BCL2L13: variants seen among roughly 807,000 people sequenced by gnomAD.
BCL2L13 encodes BCL2 like 13.
In BCL2L13, 13 loss-of-function variants were observed where a neutral mutation model predicts 25.8. The ratio of observed to expected loss-of-function variants is 0.50; its 90% CI spans 0.33 to 0.80. The LOEUF (loss-of-function observed/expected upper bound fraction) is 0.80, where lower values mean the gene tolerates loss of function less well. Ranked by LOEUF, BCL2L13 falls within the 30% of genes least tolerant of loss-of-function variation. The pLI, the probability that BCL2L13 is intolerant of heterozygous loss-of-function variation, is 0.02. For missense variants in BCL2L13, 504 were observed against 574.9 expected, an observed-to-expected ratio of 0.88 and a Z score of 1.26; for synonymous variants, 244 against 230.3, an observed-to-expected ratio of 1.06 and a Z score of -0.54.
chr22:17,712,670 T>G (rs568797718), intron 6 of BCL2L13, among the ~76,000 whole-genome samples: 1 of 152,322 alleles, frequency 6.6e-6, no homozygotes, highest in Admixed American at 6.5e-5. Context: ...TCGGATTATG[T>G]TCTGGCAAAA....
intron 2 of BCL2L13, among the ~76,000 whole-genome samples, chr22:17,676,190 G>A (rs551117665): frequency 2.1e-3 from 320 of 152,252 alleles, no homozygotes; most frequent in African/African-American, 7.2e-3. Context: ...GAGGAGAGAC[G>A]GTGGCTCACG....
intron 6 of BCL2L13, among the ~76,000 whole-genome samples, chr22:17,723,720 G>A (rs1215257235): frequency 6.6e-6 from 1 of 152,078 alleles, no homozygotes; most frequent in Non-Finnish European, 1.5e-5. Flanking sequence ...GGATCACGAG[G>A]TCAAGAGATT....
In BCL2L13 at chr22:17,706,718, G is replaced by C. The variant is rs993940750; in HGVS notation, c.600+4332G>C. ...TGGTTCATGTGCTGTGATTCTCCCTGAGTCATCCTTGCTCCCTCCCTCCTC... is the reference window on the plus strand; with the variant it reads ...TGGTTCATGTGCTGTGATTCTCCCTCAGTCATCCTTGCTCCCTCCCTCCTC... On this transcript the variant is annotated intron_variant, in intron 6 of 6. Transcript: ENST00000317582. The C allele has an allele frequency of 6.7e-6, 9 of 1,351,614 alleles. No individual in the cohort carries two copies. In the African/African-American group the frequency reaches 1.2e-4, roughly 18 times the overall value. 83.7% of individuals were successfully genotyped at this position (1,351,614 alleles called of 1,614,324 possible).
At chr22:17,719,675 A>T (rs767618671) in intron 6 of BCL2L13, among the ~76,000 whole-genome samples, 2 of 151,900 alleles carry the variant, frequency 1.3e-5, no homozygotes, top group Non-Finnish European at 2.9e-5. Context: ...CTAAAAATAC[A>T]AAAATTAGCT....
chr22:17,670,867 A>G (rs1457189996), intron 2 of BCL2L13, among the ~76,000 whole-genome samples: 2 of 152,124 alleles, frequency 1.3e-5, no homozygotes, highest in Non-Finnish European at 1.5e-5. Flanking sequence ...TCTGTCCTCC[A>G]TCAGTCTGTC....
Position 17,683,581 on chromosome 22 carries a change from T to C in BCL2L13, c.229+260T>C, listed in dbSNP as rs1171345045. On this transcript the variant is annotated intron_variant, in intron 3 of 6. Transcript: ENST00000317582. ...ATGTTAAGTATCGGATAAATGATCA[T>C]GTTAAGGTTCTTTCCATTCACTATG... Among the ~76,000 whole-genome samples, 7 of 152,190 alleles carry C rather than the reference T, an allele frequency of 4.6e-5. 1 individual carries two copies. Among genetic ancestry groups the C allele is most frequent in the Admixed American group, 1.3e-4 (2 of 15,268 alleles).
chr22:17,714,254 C>T (rs1339793831), intron 6 of BCL2L13, among the ~76,000 whole-genome samples: 1 of 151,828 alleles, frequency 6.6e-6, no homozygotes, highest in Admixed American at 6.6e-5. Flanking sequence ...GATTGCGCCA[C>T]TGCACTCCAG....
chr22:17,693,333 GTTTA>G (rs372912650), intron 4 of BCL2L13, among the ~76,000 whole-genome samples: 7,856 of 131,174 alleles, frequency 0.06, 748 homozygotes, highest in African/African-American at 0.19. Flanking sequence ...CTTTGGGGTA[GTTTA>G]TTTATTTATT....
At chr22:17,634,853 C>A (rs1260508419), upstream of BCL2L13, among the ~76,000 whole-genome samples, 1 of 151,702 alleles carries the variant, frequency 6.6e-6, no homozygotes, top group Non-Finnish European at 1.5e-5. Context: ...GAGGATGAGG[C>A]CAGAGGATTG....
chr22:17,715,179 T>A (rs1407235213), intron 6 of BCL2L13, among the ~76,000 whole-genome samples: 4 of 63,252 alleles, frequency 6.3e-5, no homozygotes, highest in African/African-American at 3.0e-4. Context: ...TATTTTTTTT[T>A]TTTTTTTTTT....
At chr22:17,671,964 T>C (rs1183284927) in intron 2 of BCL2L13, among the ~76,000 whole-genome samples, 2 of 152,258 alleles carry the variant, frequency 1.3e-5, no homozygotes, top group Non-Finnish European at 2.9e-5. Context: ...TCCGCTCGCC[T>C]TGGCCTCCCA....
chr22:17,650,115 C>T (rs900839483), intron 1 of BCL2L13, among the ~76,000 whole-genome samples: 1 of 151,940 alleles, frequency 6.6e-6, no homozygotes, highest in East Asian at 1.9e-4. Context: ...GGTGATCTGC[C>T]CGTCTCAGCC....
chr22:17,629,818 TACACAC>T (rs3044578), intron 1 of BCL2L13, among the ~76,000 whole-genome samples: 14,933 of 148,134 alleles, frequency 0.1, 947 homozygotes, highest in Middle Eastern at 0.2. Context: ...TTTATTTTCA[TACACAC>T]ACACACACAC....
chr22:17,658,761 T>A (rs2058968604), intron 2 of BCL2L13, among the ~76,000 whole-genome samples: 1 of 148,720 alleles, frequency 6.7e-6, no homozygotes, highest in African/African-American at 2.5e-5. Context: ...AATGCTTGTA[T>A]AAAAAACATT....
intron 1 of BCL2L13, among the ~76,000 whole-genome samples, chr22:17,645,688 G>T (rs2058449217): frequency 6.6e-6 from 1 of 151,490 alleles, no homozygotes; most frequent in Non-Finnish European, 1.5e-5. Flanking sequence ...TAGAATTGTG[G>T]ATATACATTT....
At position 17,672,731 on chromosome 22, in the gene BCL2L13, A is replaced by G. The variant is rs2059453347; in HGVS notation, c.122-10483A>G. On this transcript the variant is annotated intron_variant, in intron 2 of 6. Transcript: ENST00000317582. ...GAAGTATGACAACTTGTCATGTGTAATCAGCATCACATTAGTCTCAAGAGA... is the reference window on the plus strand; with the variant it reads ...GAAGTATGACAACTTGTCATGTGTAGTCAGCATCACATTAGTCTCAAGAGA... Among the ~76,000 whole-genome samples the G allele has an allele frequency of 2.0e-5, 3 of 152,202 alleles. No individual in the cohort carries two copies. The South Asian group carries it at 6.2e-4, about 31-fold the overall frequency.
chr22:17,704,867 A>G (rs1447606919), intron 6 of BCL2L13, among the ~76,000 whole-genome samples: 3 of 152,064 alleles, frequency 2.0e-5, no homozygotes, highest in Admixed American at 2.0e-4. Context: ...TTTTCATTCT[A>G]TAAATACACT....
chr22:17,665,424 A>G (rs1201163253), intron 2 of BCL2L13, among the ~76,000 whole-genome samples: 1 of 152,150 alleles, frequency 6.6e-6, no homozygotes, highest in Non-Finnish European at 1.5e-5. Context: ...TGAGCCTTCC[A>G]CACTGTTCCA....
intron 1 of BCL2L13, among the ~76,000 whole-genome samples, chr22:17,633,486 C>CT (rs774820257): frequency 1.3e-5 from 2 of 152,116 alleles, no homozygotes; most frequent in Non-Finnish European, 2.9e-5. Context: ...AAACTCCCTC[C>CT]TAGATAAGCC....
Sources: allele counts gnomAD v4.1 joint callset (sites outside exome capture counted in the v4.1 genomes callset), GRCh38; gene constraint gnomAD v4.1.1; transcripts MANE v1.5; gene names NCBI Gene and HGNC (gene_info 2026-07-23, HGNC 2026-07-21).